The following EDA2R variants were observed in gnomAD, a reference collection of about 807,000 sequenced individuals.
EDA2R encodes ectodysplasin A2 receptor.
A neutral mutation model predicts 20.1 loss-of-function variants in EDA2R; 26 were observed. The observed-to-expected ratio is 1.30, with a 90% CI of 0.95 to 1.80. The LOEUF (loss-of-function observed/expected upper bound fraction) is 1.80. Ranked by LOEUF, EDA2R falls within the 40% of genes most tolerant of loss-of-function variation. EDA2R has a pLI of 0.00. For missense variants in EDA2R, 277 were observed against 228.7 expected (o/e 1.21, Z -1.36); for synonymous variants, 114 against 88.7 (o/e 1.29, Z -1.60).
intron 2 of EDA2R, among the ~76,000 whole-genome samples, chrX:66,615,502 G>A (rs772123712): frequency 9.0e-6 from 1 of 111,508 alleles, no homozygotes; most frequent in Non-Finnish European, 1.9e-5. Flanking sequence ...ACCCTCCGTG[G>A]TTCCCTATCC....
chrX:66,631,035 G>GTATA (rs1214395066), intron 1 of EDA2R, among the ~76,000 whole-genome samples: 8 of 108,779 alleles, frequency 7.4e-5, no homozygotes, highest in African/African-American at 2.7e-4. Context: ...ACACACACAT[G>GTATA]TGTGTATATG....
At chrX:66,617,943 A>G (rs1258547531) in intron 1 of EDA2R, among the ~76,000 whole-genome samples, 10 of 104,875 alleles carry the variant, frequency 9.5e-5, no homozygotes, top group Non-Finnish European at 1.9e-4. Context: ...TTGCAGTGCA[A>G]TGGTACAGTC....
rs978551672 is a variant in EDA2R at position 66,632,217 on chromosome X, A to G, written c.-11+6778T>C. Among the ~76,000 whole-genome samples the G allele has an allele frequency of 2.7e-5, 3 of 111,795 alleles. No homozygotes were observed. The East Asian group carries it at 8.5e-4, about 32-fold the overall frequency. On this transcript the variant is annotated intron_variant, in intron 1 of 6. Transcript: ENST00000374719. ...GGCAGGTGGATCACTTGAGGTCAGG[A>G]CTTCAAGACCAGTCTGGCCAACATG...
At chrX:66,611,801 A>C (rs1930787404) in intron 2 of EDA2R, among the ~76,000 whole-genome samples, 1 of 111,934 alleles carries the variant, frequency 8.9e-6, no homozygotes, top group African/African-American at 3.2e-5. Context: ...AACTTCACAA[A>C]TTTGGTAAAA....
At chrX:66,600,517 A>T (rs1928386695) in intron 5 of EDA2R, among the ~76,000 whole-genome samples, 1 of 111,785 alleles carries the variant, frequency 8.9e-6, no homozygotes, top group South Asian at 3.7e-4. Context: ...TTTGTGCATG[A>T]TCAAGCAGAT....
Position 66,599,601 on chromosome X carries a change from C to T in EDA2R, c.777G>A (p.Leu259=). ...AGGAGGCAGAGCTGGAAAACTTTTG[C>T]AGGTCCAGCTCTGTGCATTCGATGG... ...HSPIECTELD[L]QKFSSSASYT... The change falls in exon 6 of 7, where the codon CTG becomes CTA. Residue 259 remains leucine (L), a synonymous_variant. Transcript: ENST00000374719. The T allele has an allele frequency of 2.5e-6, 3 of 1,201,005 alleles. No homozygotes were observed. The highest frequency in any genetic ancestry group is 3.6e-5 in the South Asian group (2 of 55,174).
chrX:66,605,923 A>G (rs1281983950), intron 2 of EDA2R, among the ~76,000 whole-genome samples: 1 of 112,327 alleles, frequency 8.9e-6, no homozygotes, highest in African/African-American at 3.2e-5. Context: ...TTCTTACTCT[A>G]GGTCATGGTA....
chrX:66,605,910 T>G (rs2147653397), intron 2 of EDA2R, among the ~76,000 whole-genome samples: 1 of 112,409 alleles, frequency 8.9e-6, no homozygotes, highest in Non-Finnish European at 1.9e-5. Context: ...GATAAAAAGT[T>G]ATTTCTTACT....
intron 1 of EDA2R, among the ~76,000 whole-genome samples, chrX:66,626,767 TGGAAA>T (rs1187305377): frequency 1.5e-4 from 12 of 78,912 alleles, no homozygotes; most frequent in African/African-American, 6.1e-4. Flanking sequence ...TCTGTGAGAC[TGGAAA>T]GGAAAGGAAG....
chrX:66,605,687 A>G lies in EDA2R; in HGVS notation c.88-461T>C, dbSNP rs761547492. On this transcript the variant is annotated intron_variant, in intron 2 of 6. Coordinates refer to ENST00000374719, the MANE Select transcript of EDA2R (RefSeq NM_021783.5). Reference sequence around the variant, plus strand: ...GTACAAGCTCTTAAAGTTTTCCCCAAGAAATGACCCATATTGCTTTACTCA... The same window carrying G: ...GTACAAGCTCTTAAAGTTTTCCCCAGGAAATGACCCATATTGCTTTACTCA... Among the ~76,000 whole-genome samples the G allele has an allele frequency of 3.6e-5, 4 of 111,913 alleles. No homozygotes were observed. In the South Asian group the frequency reaches 1.5e-3, roughly 42 times the overall value.
intron 2 of EDA2R, among the ~76,000 whole-genome samples, chrX:66,611,961 C>A (rs924468738): frequency 3.1e-4 from 35 of 111,354 alleles, no homozygotes; most frequent in African/African-American, 1.1e-3. Context: ...TAGAAAAACA[C>A]CCATTCAAAT....
At chrX:66,611,121 C>A (rs1930666429) in intron 2 of EDA2R, among the ~76,000 whole-genome samples, 1 of 111,744 alleles carries the variant, frequency 8.9e-6, no homozygotes, top group Non-Finnish European at 1.9e-5. Flanking sequence ...ATAAACCCCG[C>A]AGACCAAAAA....
In EDA2R at chrX:66,616,021, G is replaced by C. The variant is rs772463809; in HGVS notation, c.-1C>G. The C allele has an allele frequency of 8.3e-7, 1 of 1,200,166 alleles. No individual in the cohort carries two copies. Among genetic ancestry groups the C allele is most frequent in the South Asian group, 1.8e-5 (1 of 56,304 alleles). ...AGTACTCATTTTCTTGGCAATCCAT[G>C]GTGGGAAGGCTGTGGGTAGAGAACA... On this transcript the variant is annotated 5_prime_UTR_variant, in exon 2 of 7. Coordinates refer to ENST00000374719, the MANE Select transcript of EDA2R (RefSeq NM_021783.5).
intron 4 of EDA2R, among the ~76,000 whole-genome samples, chrX:66,603,350 T>C (rs745786928): frequency 2.7e-5 from 3 of 111,898 alleles, no homozygotes; most frequent in Non-Finnish European, 3.8e-5. Context: ...GTGGAGAGTA[T>C]GGCAGAGGTA....
At chrX:66,638,331 C>G (rs1173347507) in intron 1 of EDA2R, among the ~76,000 whole-genome samples, 1 of 112,014 alleles carries the variant, frequency 8.9e-6, no homozygotes, top group Non-Finnish European at 1.9e-5. Flanking sequence ...GCTGCCAACA[C>G]CTGTCTAAGT....
rs55888693 is a variant in EDA2R, at chrX:66,630,851, A to AC, written c.-11+8143_-11+8144insG. 6.1e-3 allele frequency among the ~76,000 whole-genome samples: 656 copies of AC among 108,173 alleles called. 2 individuals are homozygous for AC. The highest frequency in any genetic ancestry group is 8.0e-3 in the Non-Finnish European group (415 of 51,866). 93.9% of individuals were successfully genotyped at this position (108,173 alleles called of 115,157 possible). On this transcript the variant is annotated intron_variant, in intron 1 of 6. Transcript: ENST00000374719. ...CACACACACACACACACACACACAC[A>AC]AACACACGTATATATATATACACAC... is the stretch of plus-strand genomic sequence containing the variant.
At position 66,599,497 on chromosome X, in the gene EDA2R, A is replaced by G; in HGVS notation, c.881T>C (p.Val294Ala). 1 of 1,162,632 alleles carries G rather than the reference A, an allele frequency of 8.6e-7. No individual in the cohort carries two copies. Among genetic ancestry groups the G allele is most frequent in the Non-Finnish European group, 1.2e-6 (1 of 867,034 alleles). Residue 294 changes from valine to alanine, a missense_variant, in exon 6 of 7, where the codon GTT becomes GCT. By Grantham distance (64) the Val-to-Ala change is moderately conservative. Transcript: ENST00000374719. Reference protein sequence around the residue: ...DRLELNVPFEVPSP With the variant: ...DRLELNVPFEAPSP ...ACCTCATTAGAGTTAAGGGCTGGGA[A>G]CTTCAAAGGGCACATTGAGCTCCAG...
intron 1 of EDA2R, among the ~76,000 whole-genome samples, chrX:66,618,810 A>C (rs1932139925): frequency 8.9e-6 from 1 of 112,544 alleles, no homozygotes; most frequent in Non-Finnish European, 1.9e-5. Flanking sequence ...TCAAAAAAAG[A>C]GCAAAGCTCT....
chrX:66,620,206 T>C (rs936011415), intron 1 of EDA2R, among the ~76,000 whole-genome samples: 3 of 112,467 alleles, frequency 2.7e-5, no homozygotes, highest in Admixed American at 1.9e-4. Context: ...TTGTGTAGTA[T>C]CCTATTGTAT....
Sources: gnomAD v4.1 joint callset for allele counts (sites outside exome capture counted in the v4.1 genomes callset) on GRCh38, gnomAD v4.1.1 for gene constraint, MANE v1.5 for transcripts, NCBI Gene and HGNC (gene_info 2026-07-23, HGNC 2026-07-21) for gene names.